The following KLHL29 variants were observed in gnomAD, a reference collection of about 807,000 sequenced individuals.
The protein encoded by KLHL29 is kelch like family member 29.
In KLHL29, 21 loss-of-function variants were observed where a neutral mutation model predicts 80.4. The ratio of observed to expected loss-of-function variants is 0.26; its 90% CI spans 0.19 to 0.38. KLHL29 has a LOEUF of 0.38. Among genes scored for constraint, KLHL29 ranks in the 10% least tolerant of loss-of-function variants. KLHL29 has a pLI of 1.00. For missense variants in KLHL29, 867 were observed against 1,223.9 expected (o/e 0.71, Z 4.35); for synonymous variants, 511 against 526.8 (o/e 0.97, Z 0.41).
chr2:23,518,769 C>G (rs766430663), intron 2 of KLHL29, among the ~76,000 whole-genome samples: 7 of 152,186 alleles, frequency 4.6e-5, no homozygotes, highest in African/African-American at 1.2e-4. Context: ...ATCCCCTGCC[C>G]TCCACAGTCA....
intron 7 of KLHL29, among the ~76,000 whole-genome samples, chr2:23,692,286 C>T (rs941979111): frequency 1.3e-5 from 2 of 152,218 alleles, no homozygotes; most frequent in African/African-American, 4.8e-5. Flanking sequence ...TGGGCTGCCT[C>T]AGATGTCTGT....
chr2:23,553,549 A>C (rs879489213), intron 2 of KLHL29, among the ~76,000 whole-genome samples: 7 of 152,182 alleles, frequency 4.6e-5, no homozygotes, highest in Non-Finnish European at 5.9e-5. Flanking sequence ...GGAGGTGCCG[A>C]ACACCTCACC....
At chr2:23,497,143 G>A (rs1160117037) in intron 2 of KLHL29, among the ~76,000 whole-genome samples, 2 of 152,082 alleles carry the variant, frequency 1.3e-5, no homozygotes, top group African/African-American at 4.8e-5. Flanking sequence ...TGTTTCTGTT[G>A]GCATGAGATT....
intron 1 of KLHL29, among the ~76,000 whole-genome samples, chr2:23,402,513 C>T (rs1666619972): frequency 6.6e-6 from 1 of 152,102 alleles, no homozygotes; most frequent in South Asian, 2.1e-4. Flanking sequence ...CCCAGCGCCC[C>T]CATCCTTCCC....
chr2:23,447,800 A>G (rs182178433), intron 1 of KLHL29, among the ~76,000 whole-genome samples: 1 of 152,324 alleles, frequency 6.6e-6, no homozygotes, highest in East Asian at 1.9e-4. Flanking sequence ...TTATCCCAAT[A>G]GATGTGAATC....
chr2:23,561,835 A>G (rs1347147394), intron 2 of KLHL29, among the ~76,000 whole-genome samples: 1 of 152,146 alleles, frequency 6.6e-6, no homozygotes, highest in Non-Finnish European at 1.5e-5. Context: ...ATAAAGTCCC[A>G]TCCATAATTA....
At chr2:23,532,095 C>T (rs1244925664) in intron 2 of KLHL29, among the ~76,000 whole-genome samples, 5 of 152,122 alleles carry the variant, frequency 3.3e-5, no homozygotes, top group East Asian at 1.9e-4. Flanking sequence ...TATTCCACAA[C>T]GACCCCCCAC....
At chr2:23,628,384 G>T (rs573809461) in intron 3 of KLHL29, among the ~76,000 whole-genome samples, 1 of 152,254 alleles carries the variant, frequency 6.6e-6, no homozygotes, top group Admixed American at 6.5e-5. Context: ...AAGGCCATAG[G>T]GGGCAGAGGG....
At chr2:23,623,942 C>A (rs969049513) in intron 3 of KLHL29, among the ~76,000 whole-genome samples, 2 of 152,128 alleles carry the variant, frequency 1.3e-5, no homozygotes, top group Admixed American at 6.5e-5. Flanking sequence ...TTAAATGTGA[C>A]CTCAAGTGAA....
At chr2:23,550,932 A>T (rs548495933) in intron 2 of KLHL29, among the ~76,000 whole-genome samples, 2 of 152,362 alleles carry the variant, frequency 1.3e-5, no homozygotes, top group South Asian at 4.1e-4. Flanking sequence ...GCCTGCTTGG[A>T]GAAGGAAAGT....
At chr2:23,620,845 T>C (rs1558411688) in intron 3 of KLHL29, among the ~76,000 whole-genome samples, 1 of 152,080 alleles carries the variant, frequency 6.6e-6, no homozygotes, top group East Asian at 1.9e-4. Flanking sequence ...CAGAGCCGGG[T>C]GTATAAACAG....
chr2:23,418,798 T>C (rs1662683849), intron 1 of KLHL29, among the ~76,000 whole-genome samples: 1 of 152,090 alleles, frequency 6.6e-6, no homozygotes, highest in Admixed American at 6.5e-5. Context: ...CTGGGGTTAC[T>C]GTGAGGATTA....
At position 23,638,193 on chromosome 2, in the gene KLHL29, C is replaced by T. The variant is rs1381561459; in HGVS notation, c.286-946C>T. On this transcript the variant is annotated intron_variant, in intron 3 of 13. Coordinates refer to ENST00000486442, the MANE Select transcript of KLHL29 (RefSeq NM_052920.2). The stretch of plus-strand genomic sequence containing the variant: ...CCCTGTTAACATTTTGGTCATTTCC[C>T]TCCTACACATATTGTTTGACACAGG... 2.0e-5 allele frequency among the ~76,000 whole-genome samples: 3 copies of T among 151,898 alleles called. No homozygotes were observed. In the South Asian group the frequency reaches 6.2e-4, roughly 32 times the overall value.
intron 3 of KLHL29, among the ~76,000 whole-genome samples, chr2:23,582,069 A>G (rs72849643): frequency 0.016 from 2,410 of 152,202 alleles, 71 homozygotes; most frequent in African/African-American, 0.056. Context: ...TCTAGGAGCA[A>G]AGGCAGTGCT....
At chr2:23,533,912 G>A (rs554355856) in intron 2 of KLHL29, among the ~76,000 whole-genome samples, 3 of 150,760 alleles carry the variant, frequency 2.0e-5, no homozygotes, top group East Asian at 1.9e-4. Flanking sequence ...TTAAATACAT[G>A]AGACTTTCCT....
In KLHL29 at chr2:23,654,995, C is replaced by T. The variant is rs529921140; in HGVS notation, c.940+12145C>T. Among the ~76,000 whole-genome samples, 22 of 152,332 alleles carry T rather than the reference C, an allele frequency of 1.4e-4. No homozygotes were observed. In the East Asian group the frequency reaches 3.1e-3, roughly 21 times the overall value. On this transcript the variant is annotated intron_variant, in intron 5 of 13. Transcript: ENST00000486442. ...GGGCAAGTCCCACAAGTGGCTGTTT[C>T]GTGTCTCCTGCAGTCTCCTGGCTGA...
intron 1 of KLHL29, among the ~76,000 whole-genome samples, chr2:23,413,313 GC>G (rs112897052): frequency 0.34 from 51,082 of 152,008 alleles, 9,080 homozygotes; most frequent in South Asian, 0.47. Context: ...CAACCATGGG[GC>G]CAGCCATTTC....
chr2:23,564,688 A>T (rs1667543236), intron 3 of KLHL29, among the ~76,000 whole-genome samples: 1 of 152,202 alleles, frequency 6.6e-6, no homozygotes. Flanking sequence ...TGCCAAGACC[A>T]CATCAACTGA....
At chr2:23,429,931 C>G (rs1433192234) in intron 1 of KLHL29, among the ~76,000 whole-genome samples, 3 of 152,044 alleles carry the variant, frequency 2.0e-5, no homozygotes, top group African/African-American at 7.2e-5. Context: ...GTAATAGGCA[C>G]TTTACATATA....
Sources: gnomAD v4.1 joint callset for allele counts (sites outside exome capture counted in the v4.1 genomes callset) on GRCh38, gnomAD v4.1.1 for gene constraint, MANE v1.5 for transcripts, NCBI Gene and HGNC (gene_info 2026-07-23, HGNC 2026-07-21) for gene names.